FSTL4: variants seen among roughly 807,000 people sequenced by gnomAD.
FSTL4 encodes follistatin like 4, also known as follistatin-related protein 4.
FSTL4 carries 28 observed loss-of-function variants against 78.2 expected under a neutral mutation model. That is an observed-to-expected ratio of 0.36 (90% CI 0.27 to 0.49). The LOEUF is 0.49. FSTL4 is among the 20% of genes least tolerant of loss of function. The pLI is 0.98. For synonymous variants in FSTL4, 422 were observed against 440.5 expected (o/e 0.96, Z 0.53); for missense variants, 922 against 1,084.9 (o/e 0.85, Z 2.11).
At chr5:133,256,116 C>T (rs547171915) in intron 6 of FSTL4, among the ~76,000 whole-genome samples, 1 of 152,314 alleles carries the variant, frequency 6.6e-6, no homozygotes, top group South Asian at 2.1e-4. Flanking sequence ...AGTAACCTGC[C>T]TGCACATCAA....
At chr5:133,696,707 G>T in the FSTL4 span, among the ~76,000 whole-genome samples, 1 of 152,264 alleles carries the variant, frequency 6.6e-6, no homozygotes, top group Non-Finnish European at 1.5e-5. Flanking sequence ...AGTTCATCTG[G>T]ATTAGGCAAG....
intron 3 of FSTL4, among the ~76,000 whole-genome samples, chr5:133,529,885 G>A (rs150271791): frequency 4.0e-5 from 6 of 150,372 alleles, no homozygotes; most frequent in Non-Finnish European, 8.9e-5. Flanking sequence ...TTTTTTAAGC[G>A]TCCTGTCTGA....
At chr5:133,224,128 G>A (rs1183903943) in intron 11 of FSTL4, 62 bp downstream of exon 11, 7 of 1,359,012 alleles carry the variant, frequency 5.2e-6, no homozygotes, top group Non-Finnish European at 7.3e-6. Context: ...TGGAAAGACG[G>A]CCCATCATAG....
chr5:133,697,717 G>A, the FSTL4 span, among the ~76,000 whole-genome samples: 1 of 152,344 alleles, frequency 6.6e-6, no homozygotes, highest in East Asian at 1.9e-4. Context: ...AGAGGCAGGG[G>A]AAAGTGAGGG....
intron 3 of FSTL4, among the ~76,000 whole-genome samples, chr5:133,500,099 T>C (rs929595371): frequency 6.6e-6 from 1 of 152,280 alleles, no homozygotes; most frequent in Admixed American, 6.5e-5. Flanking sequence ...TCTAAGAGCA[T>C]GTCCTGGGCC....
intron 6 of FSTL4, among the ~76,000 whole-genome samples, chr5:133,308,803 G>GT (rs759286841): frequency 6.6e-6 from 1 of 152,128 alleles, no homozygotes; most frequent in Non-Finnish European, 1.5e-5. Flanking sequence ...GTGAGGAAGG[G>GT]TGTCTGGCTC....
chr5:133,754,778 C>T, the FSTL4 span, among the ~76,000 whole-genome samples: 6 of 152,172 alleles, frequency 3.9e-5, no homozygotes, highest in Non-Finnish European at 8.8e-5. Flanking sequence ...GGAGCTCAGA[C>T]GTGTGAAGAC....
intron 1 of FSTL4, among the ~76,000 whole-genome samples, chr5:133,607,390 T>C (rs1279167253): frequency 2.6e-5 from 4 of 152,348 alleles, no homozygotes; most frequent in East Asian, 1.9e-4. Flanking sequence ...GCAATTACGA[T>C]GTGTCAGGCA....
At chr5:133,508,236 A>G (rs1398874422) in intron 3 of FSTL4, among the ~76,000 whole-genome samples, 1 of 152,206 alleles carries the variant, frequency 6.6e-6, no homozygotes, top group Non-Finnish European at 1.5e-5. Flanking sequence ...GCATGCAGTG[A>G]ATGTTAGCTA....
At chr5:133,226,957 C>T (rs1448698371) in intron 8 of FSTL4, among the ~76,000 whole-genome samples, 1 of 152,162 alleles carries the variant, frequency 6.6e-6, no homozygotes, top group Admixed American at 6.5e-5. Flanking sequence ...CCACGGCCTC[C>T]CTGTGAGAAA....
rs770218862 is a variant in FSTL4, at chr5:133,199,430, A to G, written c.2194T>C (p.Ser732Pro). 6.2e-7 allele frequency: 1 copy of G among 1,614,170 alleles called. No individual in the cohort carries two copies. The highest frequency in any genetic ancestry group is 8.5e-7 in the Non-Finnish European group (1 of 1,180,032). Residue 732 changes from serine (S) to proline (P), a missense_variant, in exon 16 of 16, where the codon TCG (serine) becomes CCG (proline). Transcript: ENST00000265342. The surrounding 1 kb of genome is among the most constrained non-coding windows in gnomAD (Gnocchi z 4.4). ...TGGAAGGCCAAGTCTGAGATGCCCG[A>G]GTTTATTTGCAGGTCATACAGGGTC... is the stretch of plus-strand genomic sequence containing the variant. The part of the protein sequence containing the change: ...IQTLYDLQIN[S>P]GISDLAFQRS...
At chr5:133,684,914 G>A in the FSTL4 span, among the ~76,000 whole-genome samples, 18 of 152,286 alleles carry the variant, frequency 1.2e-4, no homozygotes, top group African/African-American at 4.1e-4. Context: ...TCTTTCCAAA[G>A]AGAAGCTCCA....
intron 2 of FSTL4, among the ~76,000 whole-genome samples, chr5:133,595,549 G>A (rs1050376967): frequency 6.6e-6 from 1 of 152,220 alleles, no homozygotes; most frequent in Non-Finnish European, 1.5e-5. Context: ...CCCACTCTGA[G>A]GGCTGCCTTG....
the FSTL4 span, among the ~76,000 whole-genome samples, chr5:133,685,358 G>A: frequency 6.6e-5 from 10 of 152,306 alleles, no homozygotes; most frequent in East Asian, 1.7e-3. Flanking sequence ...ATTGAGGCAC[G>A]GTCCTTGGCC....
At chr5:133,836,157 T>A in the FSTL4 span, among the ~76,000 whole-genome samples, 1 of 152,214 alleles carries the variant, frequency 6.6e-6, no homozygotes, top group African/African-American at 2.4e-5. Context: ...CTGTAATTAG[T>A]CTATTTACAT....
At position 133,356,892 on chromosome 5, in the gene FSTL4, C is replaced by T. The variant is rs547310668; in HGVS notation, c.410-40240G>A. Among the ~76,000 whole-genome samples the T allele has an allele frequency of 3.9e-5, 6 of 152,358 alleles. No individual in the cohort carries two copies. The South Asian group carries it at 1.0e-3, about 26-fold the overall frequency. The stretch of plus-strand genomic sequence containing the variant: ...GCCACATCACACAGCCCCTTCCCTG[C>T]CCATCAGGAAGAGCCTGTGCTGGAG... On this transcript the variant is annotated intron_variant, in intron 4 of 15. Coordinates refer to ENST00000265342, the MANE Select transcript of FSTL4 (RefSeq NM_015082.2).
chr5:133,737,969 G>A, the FSTL4 span, among the ~76,000 whole-genome samples: 1 of 152,142 alleles, frequency 6.6e-6, no homozygotes, highest in Non-Finnish European at 1.5e-5. Context: ...GCAGGAAGGA[G>A]GGGCTGAGGA....
At chr5:133,200,041 G>A (rs774062382) in intron 15 of FSTL4, among the ~76,000 whole-genome samples, 12 of 152,178 alleles carry the variant, frequency 7.9e-5, no homozygotes, top group African/African-American at 2.7e-4. Flanking sequence ...TGCACTCATC[G>A]TTGGAAATGA....
intron 6 of FSTL4, among the ~76,000 whole-genome samples, chr5:133,258,945 C>G (rs183706099): frequency 4.0e-4 from 61 of 152,256 alleles, no homozygotes; most frequent in African/African-American, 1.3e-3. Flanking sequence ...TGGCTCCAAT[C>G]CCCAGAATAC....
Sources: gnomAD v4.1 joint callset for allele counts (sites outside exome capture counted in the v4.1 genomes callset) on GRCh38, gnomAD v4.1.1 for gene constraint, Gnocchi (gnomAD v3.1) non-coding constraint, MANE v1.5 for transcripts, NCBI Gene and HGNC (gene_info 2026-07-23, HGNC 2026-07-21) for gene names.